The following ANHX variants were observed in gnomAD, a reference collection of about 807,000 sequenced individuals.
The protein encoded by ANHX is anomalous homeobox.
Under a neutral mutation model 38.9 loss-of-function variants are expected in ANHX, and 20 were observed. That is an observed-to-expected ratio of 0.51 (90% CI 0.36 to 0.75). The LOEUF (loss-of-function observed/expected upper bound fraction) is 0.75. ANHX is among the 30% of genes least tolerant of loss of function. The pLI, the probability that ANHX is intolerant of heterozygous loss-of-function variation, is 0.00. For synonymous variants in ANHX, 185 were observed against 203.1 expected (o/e 0.91, Z 0.76); for missense variants, 475 against 493.1 (o/e 0.96, Z 0.35).
In ANHX at chr12:133,226,986, G is replaced by C. The variant is rs558459827; in HGVS notation, c.668C>G (p.Ser223Ter). The C allele has an allele frequency of 1.3e-6, 2 of 1,534,364 alleles. No individual in the cohort carries two copies. The highest frequency in any genetic ancestry group is 2.7e-5 in the African/African-American group (2 of 73,148). ...CCCAGAGTCAACACGGGGGTTGCCT[G>C]AGGGCTGCAGGAGGTCAGGACCCCT... ...RERGPDLLQP[S>*]GNPRVDSGFV... The change falls in exon 5 of 10, where the codon TCA becomes TGA. Residue 223 changes from serine (S) to a stop codon, truncating the protein, a stop_gained. Transcript: ENST00000545940. LOFTEE classifies it high-confidence loss of function.
At chr12:133,228,336 G>A (rs1366756078) in intron 3 of ANHX, among the ~76,000 whole-genome samples, 1 of 152,048 alleles carries the variant, frequency 6.6e-6, no homozygotes, top group East Asian at 1.9e-4. Context: ...GAGCTCCCGT[G>A]GATGGCCCTC....
intron 7 of ANHX, among the ~76,000 whole-genome samples, chr12:133,224,404 G>C (rs562543541): frequency 6.6e-6 from 1 of 152,208 alleles, no homozygotes; most frequent in South Asian, 2.1e-4. Context: ...GCTCACGCCT[G>C]TAATCCCAGC....
In ANHX at chr12:133,218,852, C is replaced by T. The variant is rs538413915; in HGVS notation, c.*33G>A. ...CCAGGCAGACCATCCACACCCGCTC[C>T]TCCTGGGGTGCTGTCTGGCTCCTGG... On this transcript the variant is annotated 3_prime_UTR_variant, in exon 10 of 10. Coordinates refer to ENST00000545940, the MANE Select transcript of ANHX (RefSeq NM_001372060.1). 1.2e-3 allele frequency: 1,767 copies of T among 1,462,330 alleles called. 1 individual carries two copies. Among genetic ancestry groups the T allele is most frequent in the Admixed American group, 2.1e-3 (88 of 42,780 alleles). 90.6% of individuals were successfully genotyped at this position (1,462,330 alleles called of 1,614,324 possible).
chr12:133,232,143 C>T (rs543432432), intron 2 of ANHX, among the ~76,000 whole-genome samples: 1 of 136,076 alleles, frequency 7.3e-6, no homozygotes, highest in East Asian at 2.5e-4. Context: ...ACCTTTGTCT[C>T]CCAGCAGCAG....
chr12:133,226,638 G>A (rs1183259384), intron 5 of ANHX, among the ~76,000 whole-genome samples, 200 bp from the exon 6 acceptor site: 11 of 152,196 alleles, frequency 7.2e-5, no homozygotes, highest in Admixed American at 7.2e-4. Flanking sequence ...CCGGTGCTTG[G>A]TTCACTTCTC....
intron 2 of ANHX, among the ~76,000 whole-genome samples, chr12:133,233,390 A>G (rs1957313508): frequency 6.6e-6 from 1 of 152,212 alleles, no homozygotes; most frequent in Admixed American, 6.5e-5. Flanking sequence ...TGAATTATGT[A>G]TGGACTGTTT....
In ANHX at chr12:133,221,066, G is replaced by T; in HGVS notation, c.1280+139C>A. 1 of 1,155,640 alleles carries T rather than the reference G, an allele frequency of 8.7e-7. No individual in the cohort carries two copies. The highest frequency in any genetic ancestry group is 1.2e-6 in the Non-Finnish European group (1 of 850,784). The allele number at this position is 1,155,640 out of a possible 1,614,324, so 71.6% of individuals were successfully genotyped here. A position where few individuals can be genotyped will look rare whatever the true frequency, so the allele number is the denominator to read the frequency against. On this transcript the variant is annotated intron_variant, in intron 8 of 9. Coordinates refer to ENST00000545940, the MANE Select transcript of ANHX (RefSeq NM_001372060.1). The surrounding 1 kb of genome is among the most constrained non-coding windows in gnomAD (Gnocchi z 4.1). ...TTTCTTCATAGGTGTAGGCTTGTGG[G>T]GACTGTTACAGTTTTCAGCAATCCA...
At chr12:133,230,155 A>G (rs1184769833) in intron 3 of ANHX, among the ~76,000 whole-genome samples, 6 of 152,276 alleles carry the variant, frequency 3.9e-5, no homozygotes, top group Admixed American at 2.6e-4. Context: ...CCACATCCCA[A>G]TGTCAGTTCC....
intron 4 of ANHX, 80 bp from the exon 5 acceptor site, chr12:133,227,232 C>G (rs1957202350): frequency 7.1e-7 from 1 of 1,409,402 alleles, no homozygotes; most frequent in Admixed American, 2.4e-5. Context: ...TCAGACAGCT[C>G]ATTTACACCA....
chr12:133,231,399 C>T (rs1197045192), intron 3 of ANHX, 118 bp downstream of exon 3: 16 of 1,383,720 alleles, frequency 1.2e-5, no homozygotes, highest in Non-Finnish European at 1.5e-5. Context: ...CTCCGGCGGA[C>T]ATTTCCTGTC....
At chr12:133,230,293 T>C (rs1260325641) in intron 3 of ANHX, among the ~76,000 whole-genome samples, 1 of 152,232 alleles carries the variant, frequency 6.6e-6, no homozygotes, top group African/African-American at 2.4e-5. Context: ...CGTGGGGGGC[T>C]ACAATCACAT....
chr12:133,220,038 A>G (rs1957087930), intron 8 of ANHX, among the ~76,000 whole-genome samples: 1 of 152,190 alleles, frequency 6.6e-6, no homozygotes, highest in Admixed American at 6.5e-5. Flanking sequence ...GAAATTCTAT[A>G]AAATGCAGCT....
At chr12:133,233,912 T>C (rs1460039173) in intron 2 of ANHX, among the ~76,000 whole-genome samples, 196 bp downstream of exon 2, 1 of 152,212 alleles carries the variant, frequency 6.6e-6, no homozygotes, top group Admixed American at 6.5e-5. Context: ...CCAAACTAGT[T>C]AGAGCTTAGT....
At chr12:133,225,314 TACACACACAC>T (rs36198127) in intron 7 of ANHX, among the ~76,000 whole-genome samples, 7 of 141,498 alleles carry the variant, frequency 4.9e-5, no homozygotes, top group African/African-American at 1.6e-4. Flanking sequence ...TATGCATACA[TACACACACAC>T]ACACACACAC....
At chr12:133,224,711 A>C (rs560518630) in intron 7 of ANHX, among the ~76,000 whole-genome samples, 2 of 148,282 alleles carry the variant, frequency 1.3e-5, no homozygotes, top group Non-Finnish European at 3.0e-5. Context: ...CACGCCTGTA[A>C]TCCCAGCACT....
intron 7 of ANHX, among the ~76,000 whole-genome samples, chr12:133,224,784 T>A (rs1421013350): frequency 6.8e-6 from 1 of 146,768 alleles, no homozygotes; most frequent in African/African-American, 2.6e-5. Context: ...GCTAACAGGG[T>A]GAAACCCCGT....
At chr12:133,228,217 A>C (rs1462323753) in intron 3 of ANHX, among the ~76,000 whole-genome samples, 1 of 152,016 alleles carries the variant, frequency 6.6e-6, no homozygotes, top group African/African-American at 2.4e-5. Flanking sequence ...CAGCCCATGG[A>C]GCCCCGATGG....
rs1367086986 is a variant in ANHX, at chr12:133,227,079, T to C, written c.575A>G (p.Gln192Arg). The C allele has an allele frequency of 6.5e-7, 1 of 1,536,044 alleles. No individual in the cohort carries two copies. The highest frequency in any genetic ancestry group is 2.0e-5 in the Admixed American group (1 of 50,988). ...CTTCATGTGCTGGGGAAGGGCTCTT[T>C]GGCGGCGCCGGTAATTGGCAAACCA... ...YNWFANYRRRQRALPQHMKPA... is the reference protein window; with the variant it reads ...YNWFANYRRRRRALPQHMKPA... Residue 192 changes from glutamine (Q) to arginine (R), a missense_variant, in exon 5 of 10, where the codon CAA (glutamine) becomes CGA (arginine). Transcript: ENST00000545940.
rs1435111407 is a variant in ANHX, at chr12:133,227,081, G to A, written c.573C>T (p.Arg191=). 6.5e-7 allele frequency: 1 copy of A among 1,535,948 alleles called. No individual in the cohort carries two copies. The highest frequency in any genetic ancestry group is 8.7e-7 in the Non-Finnish European group (1 of 1,146,878). ...TCATGTGCTGGGGAAGGGCTCTTTG[G>A]CGGCGCCGGTAATTGGCAAACCAGT... The part of the protein sequence containing the change: ...VYNWFANYRR[R]QRALPQHMKP... Residue 191 remains arginine, a synonymous_variant, in exon 5 of 10, where the codon CGC becomes CGT. Coordinates refer to ENST00000545940, the MANE Select transcript of ANHX (RefSeq NM_001372060.1).
Sources: allele counts gnomAD v4.1 joint callset (sites outside exome capture counted in the v4.1 genomes callset), GRCh38; gene constraint gnomAD v4.1.1; non-coding constraint Gnocchi (gnomAD v3.1); transcripts MANE v1.5; gene names NCBI Gene and HGNC (gene_info 2026-07-23, HGNC 2026-07-21).